The following VGLL4 variants were observed in gnomAD, a reference collection of about 807,000 sequenced individuals.
The protein encoded by VGLL4 is transcription cofactor vestigial-like protein 4.
A neutral mutation model predicts 21.0 loss-of-function variants in VGLL4; 7 were observed. The ratio of observed to expected loss-of-function variants is 0.33; its 90% CI spans 0.19 to 0.63. VGLL4 has a LOEUF of 0.63. Among genes scored for constraint, VGLL4 ranks in the 20% least tolerant of loss-of-function variants. VGLL4 has a pLI of 0.78. For missense variants in VGLL4, 394 were observed against 425.7 expected (o/e 0.93, Z 0.66); for synonymous variants, 222 against 173.2 (o/e 1.28, Z -2.21).
At position 11,615,439 on chromosome 3, in the gene VGLL4, A is replaced by ATAC. The variant is rs556782517; in HGVS notation, c.83-13420_83-13418dup. ...TCTGAGTTAAATCTTTTTGGCAAGA[A>ATAC]TACTACCCAGGTGATACTGTGTGCT... On this transcript the variant is annotated intron_variant, in intron 1 of 4. Coordinates refer to ENST00000430365, the MANE Select transcript of VGLL4 (RefSeq NM_001128219.3). Among the ~76,000 whole-genome samples, 9 of 152,308 alleles carry ATAC rather than the reference A, an allele frequency of 5.9e-5. No homozygotes were observed. The South Asian group carries it at 1.9e-3, about 32-fold the overall frequency.
At chr3:11,632,854 C>G (rs2125318361) in intron 1 of VGLL4, among the ~76,000 whole-genome samples, 1 of 152,284 alleles carries the variant, frequency 6.6e-6, no homozygotes, top group Middle Eastern at 3.4e-3. Context: ...GCACATAAAA[C>G]AGTTCCTGGC....
intron 1 of VGLL4, among the ~76,000 whole-genome samples, chr3:11,612,938 G>A (rs2442778): frequency 0.95 from 145,092 of 152,312 alleles, 69,223 homozygotes; most frequent in African/African-American, 0.99. Context: ...TGTTAATGAG[G>A]AGGAGGAGAG....
chr3:11,559,898 G>C (rs920654874), intron 3 of VGLL4, among the ~76,000 whole-genome samples: 1 of 151,984 alleles, frequency 6.6e-6, no homozygotes, highest in African/African-American at 2.4e-5. Context: ...GCAATTAACT[G>C]GAAGCATTTT....
At chr3:11,629,613 G>A (rs531652565) in intron 1 of VGLL4, among the ~76,000 whole-genome samples, 1 of 152,078 alleles carries the variant, frequency 6.6e-6, no homozygotes. Flanking sequence ...CAGTTGTGGT[G>A]GCAAGCGCCT....
intron 1 of VGLL4, 33 bp downstream of exon 1, chr3:11,643,404 C>A: frequency 6.2e-7 from 1 of 1,613,894 alleles, no homozygotes; most frequent in Non-Finnish European, 8.5e-7. Context: ...CCGGGACGAG[C>A]AACGGGCAGT....
At chr3:11,700,450 C>G (rs2076665361) in intron 2 of VGLL4, among the ~76,000 whole-genome samples, 1 of 152,202 alleles carries the variant, frequency 6.6e-6, no homozygotes, top group South Asian at 2.1e-4. Flanking sequence ...AAATCAGCCA[C>G]TTCTCCAGGG....
rs1169056160 is a variant in VGLL4 at position 11,557,287 on chromosome 3, C to T, written c.*1269G>A. ...TATAAAGTCAGAGGAATGTATACTG[C>T]CTTGGCCCCAGCGTACGAGGAAGCG... On this transcript the variant is annotated 3_prime_UTR_variant, in exon 5 of 5. Transcript: ENST00000430365. 1 of 152,776 alleles carries T rather than the reference C, an allele frequency of 6.5e-6. No homozygotes were observed. Among genetic ancestry groups the T allele is most frequent in the Non-Finnish European group, 1.5e-5 (1 of 68,046 alleles). The allele number at this position is 152,776 out of a possible 1,614,324, so 9.5% of individuals were successfully genotyped here.
chr3:11,642,891 C>A (rs73814965), intron 1 of VGLL4, among the ~76,000 whole-genome samples: 2 of 152,170 alleles, frequency 1.3e-5, no homozygotes, highest in East Asian at 3.9e-4. Context: ...ACAAAGAGCC[C>A]GCCTGTGCTC....
intron 2 of VGLL4, among the ~76,000 whole-genome samples, chr3:11,698,762 C>T (rs1252352075): frequency 6.6e-6 from 1 of 152,208 alleles, no homozygotes; most frequent in Admixed American, 6.5e-5. Flanking sequence ...CACCATTTTA[C>T]TATTTATTTT....
chr3:11,643,957 G>C (rs2075746722), upstream of VGLL4: 1 of 993,528 alleles, frequency 1.0e-6, no homozygotes, highest in East Asian at 1.1e-4. Context: ...CTTCCCGCAG[G>C]AGGCCGAGCA....
chr3:11,712,924 T>C (rs1297921032), intron 1 of VGLL4, among the ~76,000 whole-genome samples: 1 of 152,114 alleles, frequency 6.6e-6, no homozygotes, highest in Non-Finnish European at 1.5e-5. Context: ...TGGAGTCACA[T>C]TAATAGTAAC....
chr3:11,590,312 C>T (rs143733617), intron 2 of VGLL4, among the ~76,000 whole-genome samples: 318 of 152,312 alleles, frequency 2.1e-3, no homozygotes, highest in African/African-American at 7.2e-3. Flanking sequence ...CTCAGATGTG[C>T]TTCTACATTG....
rs531150973 is a variant in VGLL4 at position 11,676,125 on chromosome 3, C to T, written c.64+26846G>A. Reference sequence around the variant, plus strand: ...ATTTTTGGCCGGGTGCAGTGGCTCACGCCTGTAATCCCAGCACTTTGGGAG... The same window carrying T: ...ATTTTTGGCCGGGTGCAGTGGCTCATGCCTGTAATCCCAGCACTTTGGGAG... On this transcript the variant is annotated intron_variant, in intron 2 of 5. Transcript: ENST00000273038. Among the ~76,000 whole-genome samples, 11 of 152,254 alleles carry T rather than the reference C, an allele frequency of 7.2e-5. No homozygotes were observed. In the East Asian group the frequency reaches 9.6e-4, roughly 13 times the overall value.
At position 11,565,809 on chromosome 3, in the gene VGLL4, G is replaced by A. The variant is rs552353904; in HGVS notation, c.273-790C>T. ...TGTGTTAGTCTGAAGGCAGCGTTAC[G>A]TGTTGCATCTATTAGACACCAACCC... On this transcript the variant is annotated intron_variant, in intron 2 of 4. Transcript: ENST00000430365. The surrounding 1 kb of genome is among the most constrained non-coding windows in gnomAD (Gnocchi z 4.1). Among the ~76,000 whole-genome samples the A allele has an allele frequency of 2.0e-5, 3 of 152,308 alleles. No individual in the cohort carries two copies. The highest frequency in any genetic ancestry group is 3.9e-4 in the East Asian group (2 of 5,190).
chr3:11,568,894 C>A lies in VGLL4; in HGVS notation c.273-3875G>T. The A allele has an allele frequency of 2.3e-6, 3 of 1,318,792 alleles. No homozygotes were observed. Among genetic ancestry groups the A allele is most frequent in the East Asian group, 6.7e-5 (2 of 30,020 alleles). The allele number at this position is 1,318,792 out of a possible 1,614,324, so 81.7% of individuals were successfully genotyped here. On this transcript the variant is annotated intron_variant, in intron 2 of 4. Transcript: ENST00000430365. The surrounding 1 kb of genome is among the most constrained non-coding windows in gnomAD (Gnocchi z 5.9). ...AGGCTGCACGGCACCCGGCCCCGCC[C>A]CGGGCCTCATCCCCATCCTAGGCGG...
At chr3:11,574,208 C>G (rs778121430) in intron 2 of VGLL4, among the ~76,000 whole-genome samples, 1 of 152,188 alleles carries the variant, frequency 6.6e-6, no homozygotes, top group African/African-American at 2.4e-5. Flanking sequence ...TTCCCTAGGC[C>G]GTACCCACCC....
At chr3:11,578,924 AT>A (rs2074142542) in intron 2 of VGLL4, among the ~76,000 whole-genome samples, 1 of 151,620 alleles carries the variant, frequency 6.6e-6, no homozygotes, top group Non-Finnish European at 1.5e-5. Context: ...TAATTTTTGT[AT>A]TTTTAGTAGA....
At chr3:11,671,992 C>T (rs1359272282) in intron 2 of VGLL4, among the ~76,000 whole-genome samples, 1 of 152,226 alleles carries the variant, frequency 6.6e-6, no homozygotes, top group African/African-American at 2.4e-5. Context: ...CAACGCTCTG[C>T]TGCTTGCCAG....
chr3:11,681,845 T>TGCACAGGTCCTGAA (rs2125381725), intron 2 of VGLL4, among the ~76,000 whole-genome samples: 1 of 152,278 alleles, frequency 6.6e-6, no homozygotes, highest in Admixed American at 6.5e-5. Context: ...GCATAGCTGC[T>TGCACAGGTCCTGAA]GCACAGGTCC....
Sources: allele counts gnomAD v4.1 joint callset (sites outside exome capture counted in the v4.1 genomes callset), GRCh38; gene constraint gnomAD v4.1.1; non-coding constraint Gnocchi (gnomAD v3.1); transcripts MANE v1.5; gene names NCBI Gene and HGNC (gene_info 2026-07-23, HGNC 2026-07-21).